The following SH3BP5 variants were observed in gnomAD, a reference collection of about 807,000 sequenced individuals.
The protein encoded by SH3BP5 is SH3 domain binding protein 5.
Under a neutral mutation model 43.3 loss-of-function variants are expected in SH3BP5, and 22 were observed. The ratio of observed to expected loss-of-function variants is 0.51; its 90% CI spans 0.36 to 0.73. The LOEUF (loss-of-function observed/expected upper bound fraction) is 0.73. Ranked by LOEUF, SH3BP5 falls within the 30% of genes least tolerant of loss-of-function variation. SH3BP5 has a pLI of 0.00. For synonymous variants in SH3BP5, 255 were observed against 225.8 expected (o/e 1.13, Z -1.16); for missense variants, 529 against 586.9 (o/e 0.90, Z 1.02).
rs1696121922 is a variant in SH3BP5 at position 15,254,445 on chromosome 3, C to G, written c.*1641G>C. 6.6e-6 allele frequency: 1 copy of G among 152,184 alleles called. No individual in the cohort carries two copies. The highest frequency in any genetic ancestry group is 1.5e-5 in the Non-Finnish European group (1 of 68,038). The allele number at this position is 152,184 out of a possible 1,614,324, so 9.4% of individuals were successfully genotyped here. ...CAAAAGAAAGAATCCATCTGATTCT[C>G]AACTCTGAATGCACATTTGAATTCC... On this transcript the variant is annotated 3_prime_UTR_variant, in exon 9 of 9. Transcript: ENST00000383791.
intron 1 of SH3BP5, chr3:15,331,997 C>T (rs1198429440): frequency 4.6e-6 from 2 of 434,022 alleles, no homozygotes; most frequent in African/African-American, 2.1e-5. Flanking sequence ...GCACATCCAC[C>T]CGAACCACCA....
chr3:15,268,225 TGTGTGCCAA>T (rs1696697240), intron 4 of SH3BP5, among the ~76,000 whole-genome samples: 1 of 152,254 alleles, frequency 6.6e-6, no homozygotes, highest in Non-Finnish European at 1.5e-5. Flanking sequence ...TGAAGTCATT[TGTGTGCCAA>T]GCTTTCTATT....
chr3:15,338,749 A>G (rs900119299), intron 1 of SH3BP5, among the ~76,000 whole-genome samples: 3 of 152,092 alleles, frequency 2.0e-5, no homozygotes, highest in African/African-American at 7.2e-5. Context: ...CCTAAACATG[A>G]AAACAGTGAC....
chr3:15,258,937 C>T lies in SH3BP5; in HGVS notation c.783G>A (p.Arg261=). 2 of 1,614,224 alleles carry T rather than the reference C, an allele frequency of 1.2e-6. No individual in the cohort carries two copies. Among genetic ancestry groups the T allele is most frequent in the Non-Finnish European group, 1.7e-6 (2 of 1,180,032 alleles). ...CCCGAGGCCCCATGGCACTGGAGCG[C>T]CGCCGCTCGTGGATCTCATCTGAGA... ...EMISDEIHER[R]RSSAMGPRGC... The change falls in exon 7 of 9, where the codon CGG becomes CGA. Residue 261 remains arginine, a synonymous_variant. Transcript: ENST00000383791.
chr3:15,319,471 G>A (rs187760209), intron 2 of SH3BP5, among the ~76,000 whole-genome samples: 1 of 152,340 alleles, frequency 6.6e-6, no homozygotes, highest in East Asian at 1.9e-4. Flanking sequence ...CATGAGGGTT[G>A]CAGTTTTCAA....
intron 4 of SH3BP5, among the ~76,000 whole-genome samples, chr3:15,263,493 CAATTA>C (rs1036447503): frequency 6.6e-6 from 1 of 152,182 alleles, no homozygotes; most frequent in Admixed American, 6.5e-5. Flanking sequence ...TACATTTAAG[CAATTA>C]AATTAAAACC....
intron 3 of SH3BP5, among the ~76,000 whole-genome samples, chr3:15,274,494 T>C (rs1349484981): frequency 6.6e-6 from 1 of 151,920 alleles, no homozygotes; most frequent in African/African-American, 2.4e-5. Flanking sequence ...TTTTTTTTTG[T>C]TGGTTGGTTG....
chr3:15,258,715 C>A, intron 7 of SH3BP5, 116 bp downstream of exon 7: 1 of 843,814 alleles, frequency 1.2e-6, no homozygotes, highest in Non-Finnish European at 1.9e-6. Context: ...AGAAATAGCC[C>A]TCAGGCCTGC....
chr3:15,278,438 G>A (rs563160756), intron 3 of SH3BP5, among the ~76,000 whole-genome samples: 7 of 152,216 alleles, frequency 4.6e-5, no homozygotes, highest in Admixed American at 1.3e-4. Context: ...CCCAGGGACC[G>A]GCAGTTCATG....
At chr3:15,313,081 TAAAAAATAA>T (rs1270956825) in intron 2 of SH3BP5, among the ~76,000 whole-genome samples, 1 of 151,636 alleles carries the variant, frequency 6.6e-6, no homozygotes, top group South Asian at 2.1e-4. Flanking sequence ...CAGTCTCTAC[TAAAAAATAA>T]AAAAAATAAA....
chr3:15,312,483 G>T (rs1415990528), intron 2 of SH3BP5, among the ~76,000 whole-genome samples: 1 of 152,170 alleles, frequency 6.6e-6, no homozygotes, highest in Non-Finnish European at 1.5e-5. Context: ...CCAAGAATGT[G>T]AAGGGGGACC....
chr3:15,271,415 C>CA (rs1253979701), intron 3 of SH3BP5, among the ~76,000 whole-genome samples: 1 of 152,006 alleles, frequency 6.6e-6, no homozygotes, highest in Non-Finnish European at 1.5e-5. Flanking sequence ...CACGGTGGCT[C>CA]AAACCTGTAA....
intron 4 of SH3BP5, among the ~76,000 whole-genome samples, chr3:15,267,239 G>A (rs1423153440): frequency 1.3e-5 from 2 of 152,174 alleles, no homozygotes; most frequent in African/African-American, 2.4e-5. Context: ...CCAGTTACTC[G>A]ACACTGTTTC....
chr3:15,329,490 C>T (rs185313592), intron 2 of SH3BP5, among the ~76,000 whole-genome samples: 1 of 152,324 alleles, frequency 6.6e-6, no homozygotes, highest in East Asian at 1.9e-4. Flanking sequence ...AGCGATAACC[C>T]TTCACGCAAC....
intron 3 of SH3BP5, among the ~76,000 whole-genome samples, chr3:15,282,341 G>A (rs116679232): frequency 5.3e-4 from 81 of 152,310 alleles, no homozygotes; most frequent in African/African-American, 1.8e-3. Context: ...ATTGTGAGCA[G>A]CAGACTAGTT....
At chr3:15,302,816 T>C (rs1049283944) in intron 3 of SH3BP5, among the ~76,000 whole-genome samples, 8 of 151,860 alleles carry the variant, frequency 5.3e-5, no homozygotes, top group South Asian at 2.1e-4. Flanking sequence ...TTCTTTCTTT[T>C]TTTTTTTTCT....
chr3:15,278,396 A>G (rs1242172064), intron 3 of SH3BP5, among the ~76,000 whole-genome samples: 1 of 152,208 alleles, frequency 6.6e-6, no homozygotes, highest in Non-Finnish European at 1.5e-5. Flanking sequence ...ACTTTATTAA[A>G]GCCGTGGTTT....
chr3:15,258,761 G>C lies in SH3BP5; in HGVS notation c.889+70C>G. 4 of 1,391,542 alleles carry C rather than the reference G, an allele frequency of 2.9e-6. No homozygotes were observed. In the Admixed American group the frequency reaches 7.0e-5, roughly 24 times the overall value. 86.2% of individuals were successfully genotyped at this position (1,391,542 alleles called of 1,614,324 possible). A position where few individuals can be genotyped will look rare whatever the true frequency, so the allele number is the denominator to read the frequency against. ...GACCTTTCACTGATGGCCAGAGAAA[G>C]TGAGGACCTTGGGAAACAAATCACA... On this transcript the variant is annotated intron_variant, in intron 7 of 8. Coordinates refer to ENST00000383791, the MANE Select transcript of SH3BP5 (RefSeq NM_004844.5).
intron 3 of SH3BP5, among the ~76,000 whole-genome samples, chr3:15,282,938 G>T (rs934981749): frequency 2.0e-5 from 3 of 152,148 alleles, no homozygotes; most frequent in Non-Finnish European, 4.4e-5. Flanking sequence ...AAGTTGTAAA[G>T]AAATATTTTT....
Sources: gnomAD v4.1 joint callset for allele counts (sites outside exome capture counted in the v4.1 genomes callset) on GRCh38, gnomAD v4.1.1 for gene constraint, MANE v1.5 for transcripts, NCBI Gene and HGNC (gene_info 2026-07-23, HGNC 2026-07-21) for gene names.